Variants in HOOK3 observed in about 807,000 individuals in gnomAD.
HOOK3 encodes protein Hook homolog 3.
A neutral mutation model predicts 116.3 loss-of-function variants in HOOK3; 24 were observed. The observed-to-expected ratio is 0.21, with a 90% CI of 0.15 to 0.29. HOOK3 has a LOEUF of 0.29. HOOK3 is among the 10% of genes least tolerant of loss of function. The probability of loss-of-function intolerance (pLI) is 1.00; values close to 1 mark genes in which losing one functional copy is unlikely to be tolerated. For missense variants in HOOK3, 632 were observed against 830.2 expected (o/e 0.76, Z 2.93); for synonymous variants, 275 against 283.0 (o/e 0.97, Z 0.28).
rs1359724521 is a variant in HOOK3 at position 43,025,101 on chromosome 8, T to C, written c.*6603T>C. ...GACTGAAATGATAGAGAAAGGGACATTTGTTTGAGAAACAAGAGACCTGTA... is the reference window on the plus strand; with the variant it reads ...GACTGAAATGATAGAGAAAGGGACACTTGTTTGAGAAACAAGAGACCTGTA... On this transcript the variant is annotated 3_prime_UTR_variant, in exon 22 of 22. Transcript: ENST00000307602. The C allele has an allele frequency of 9.4e-6, 2 of 213,116 alleles. No individual in the cohort carries two copies. The highest frequency in any genetic ancestry group is 1.2e-4 in the Admixed American group (2 of 17,106). The allele number at this position is 213,116 out of a possible 1,614,324, so 13.2% of individuals were successfully genotyped here. A position where few individuals can be genotyped will look rare whatever the true frequency, so the allele number is the denominator to read the frequency against.
chr8:42,928,248 C>T (rs1285804011), intron 3 of HOOK3, among the ~76,000 whole-genome samples: 3 of 151,616 alleles, frequency 2.0e-5, no homozygotes, highest in East Asian at 3.9e-4. Context: ...CACTGCACTC[C>T]AGCCTGGCGA....
chr8:42,901,798 AC>A, intron 1 of HOOK3, among the ~76,000 whole-genome samples: 1 of 152,060 alleles, frequency 6.6e-6, no homozygotes, highest in South Asian at 2.1e-4. Context: ...TGCAACCTCC[AC>A]CTCCTGGGTT....
chr8:42,946,770 T>C (rs1808237200), intron 5 of HOOK3, among the ~76,000 whole-genome samples: 2 of 145,804 alleles, frequency 1.4e-5, no homozygotes, highest in African/African-American at 2.5e-5. Flanking sequence ...TTTCTTTTTT[T>C]TTTTTTTTTT....
At chr8:42,914,981 G>A (rs1445743570) in intron 2 of HOOK3, among the ~76,000 whole-genome samples, 2 of 152,098 alleles carry the variant, frequency 1.3e-5, no homozygotes, top group African/African-American at 2.4e-5. Flanking sequence ...GCATTCCAGA[G>A]ATGTATAGAA....
intron 16 of HOOK3, among the ~76,000 whole-genome samples, 164 bp from the exon 17 acceptor site, chr8:43,001,943 T>C (rs1293669838): frequency 1.3e-5 from 2 of 152,220 alleles, no homozygotes; most frequent in Admixed American, 1.3e-4. Context: ...CTCCCTTTAT[T>C]AAAGAGATTT....
chr8:42,958,079 G>A (rs1397159554), intron 7 of HOOK3, among the ~76,000 whole-genome samples: 1 of 152,090 alleles, frequency 6.6e-6, no homozygotes, highest in African/African-American at 2.4e-5. Context: ...TGATCCACCA[G>A]CCTCGGCTTC....
rs954062114 is a variant in HOOK3 at position 43,020,666 on chromosome 8, A to G, written c.*2168A>G. On this transcript the variant is annotated 3_prime_UTR_variant, in exon 22 of 22. Transcript: ENST00000307602. Reference sequence around the variant, plus strand: ...GAGCCAGAGACTGCAGTGAGCTGAGATCGCACCACTGCATTCCAGCCTGGG... The same window carrying G: ...GAGCCAGAGACTGCAGTGAGCTGAGGTCGCACCACTGCATTCCAGCCTGGG... The G allele has an allele frequency of 5.7e-6, 1 of 175,326 alleles. No individual in the cohort carries two copies. The highest frequency in any genetic ancestry group is 2.4e-5 in the African/African-American group (1 of 42,058). 10.9% of individuals were successfully genotyped at this position (175,326 alleles called of 1,614,324 possible).
Position 43,030,399 on chromosome 8 carries a change from A to ATATATG in HOOK3, c.*11914_*11919dup, listed in dbSNP as rs1206836697. On this transcript the variant is annotated 3_prime_UTR_variant, in exon 22 of 22. Coordinates refer to ENST00000307602, the MANE Select transcript of HOOK3 (RefSeq NM_032410.4). ...GTATGTGTTTATATGTATGCATATA[A>ATATATG]TATATGTATATGTATATGAAGAATA... 2 of 179,072 alleles carry ATATATG rather than the reference A, an allele frequency of 1.1e-5. No individual in the cohort carries two copies. The highest frequency in any genetic ancestry group is 2.4e-5 in the Non-Finnish European group (2 of 83,564). 11.1% of individuals were successfully genotyped at this position (179,072 alleles called of 1,614,324 possible). A position where few individuals can be genotyped will look rare whatever the true frequency, so the allele number is the denominator to read the frequency against.
At chr8:42,954,811 G>C (rs987118507) in intron 6 of HOOK3, among the ~76,000 whole-genome samples, 3 of 152,192 alleles carry the variant, frequency 2.0e-5, no homozygotes, top group African/African-American at 7.2e-5. Context: ...GATTAGCCTT[G>C]GGTGAGAAGA....
chr8:42,909,516 T>G (rs1807381121), intron 2 of HOOK3, among the ~76,000 whole-genome samples: 1 of 152,192 alleles, frequency 6.6e-6, no homozygotes, highest in Non-Finnish European at 1.5e-5. Context: ...CAGGCTGGAG[T>G]GCAGTGGATT....
intron 5 of HOOK3, among the ~76,000 whole-genome samples, chr8:42,944,404 A>C (rs1278621515): frequency 6.6e-6 from 1 of 152,090 alleles, no homozygotes; most frequent in Admixed American, 6.5e-5. Flanking sequence ...CGACAGAGCA[A>C]GACCCTGTCT....
intron 11 of HOOK3, among the ~76,000 whole-genome samples, chr8:42,971,639 AT>A (rs141840374): frequency 0.024 from 3,573 of 151,944 alleles, 145 homozygotes; most frequent in African/African-American, 0.081. Context: ...CTCCCTGGTT[AT>A]TTTTGATGGT....
chr8:43,001,170 G>A (rs538651775), intron 16 of HOOK3: 4 of 151,768 alleles, frequency 2.6e-5, no homozygotes, highest in Admixed American at 6.6e-5. Context: ...TTTGGGAAGC[G>A]GTGATAGAGG....
intron 2 of HOOK3, among the ~76,000 whole-genome samples, chr8:42,913,969 C>T (rs1464253446): frequency 2.0e-5 from 3 of 152,204 alleles, no homozygotes; most frequent in South Asian, 4.2e-4. Flanking sequence ...GCCAGAAAAA[C>T]GGTAAATGCT....
rs1454379193 is a variant in HOOK3 at position 43,024,334 on chromosome 8, C to T, written c.*5836C>T. The T allele has an allele frequency of 5.1e-6, 1 of 195,276 alleles. No individual in the cohort carries two copies. The highest frequency in any genetic ancestry group is 1.9e-4 in the South Asian group (1 of 5,192). The allele number at this position is 195,276 out of a possible 1,614,324, so 12.1% of individuals were successfully genotyped here. On this transcript the variant is annotated 3_prime_UTR_variant, in exon 22 of 22. Transcript: ENST00000307602. ...CTCAACAGTGAAGCCTGTGTAATAC[C>T]ATACAGTAGGATGAAAGACTATTCT... is the stretch of plus-strand genomic sequence containing the variant.
chr8:42,908,085 A>T (rs1250056750), intron 2 of HOOK3, among the ~76,000 whole-genome samples: 1 of 152,220 alleles, frequency 6.6e-6, no homozygotes, highest in Non-Finnish European at 1.5e-5. Context: ...CTACCAAGTA[A>T]AATAAAATAC....
chr8:42,939,166 C>A (rs1019548340), intron 4 of HOOK3, among the ~76,000 whole-genome samples: 1 of 152,250 alleles, frequency 6.6e-6, no homozygotes, highest in African/African-American at 2.4e-5. Flanking sequence ...TTTTCCCCAC[C>A]TTTCCCCCCT....
At chr8:42,949,784 G>A (rs929352923) in intron 5 of HOOK3, among the ~76,000 whole-genome samples, 1 of 152,088 alleles carries the variant, frequency 6.6e-6, no homozygotes, top group Non-Finnish European at 1.5e-5. Context: ...GGGTGTGGTG[G>A]CGCACGCCTG....
At chr8:42,966,725 G>T in intron 10 of HOOK3, 112 bp downstream of exon 10, 1 of 1,134,350 alleles carries the variant, frequency 8.8e-7, no homozygotes, top group Non-Finnish European at 1.3e-6. Context: ...TGGGATCCCG[G>T]GTCTACTGCT....
Sources: gnomAD v4.1 joint callset for allele counts (sites outside exome capture counted in the v4.1 genomes callset) on GRCh38, gnomAD v4.1.1 for gene constraint, MANE v1.5 for transcripts, NCBI Gene and HGNC (gene_info 2026-07-23, HGNC 2026-07-21) for gene names.